Variants in FAM185A observed in about 807,000 individuals in gnomAD.
The protein encoded by FAM185A is family with sequence similarity 185 member A.
FAM185A carries 21 observed loss-of-function variants against 45.7 expected under a neutral mutation model. The ratio of observed to expected loss-of-function variants is 0.46; its 90% CI spans 0.33 to 0.66. The LOEUF (loss-of-function observed/expected upper bound fraction) is 0.66, where lower values mean the gene tolerates loss of function less well. Ranked by LOEUF, FAM185A falls within the 30% of genes least tolerant of loss-of-function variation. The pLI, the probability that FAM185A is intolerant of heterozygous loss-of-function variation, is 0.03. For missense variants in FAM185A, 305 were observed against 485.4 expected (o/e 0.63, Z 3.49); for synonymous variants, 117 against 194.0 (o/e 0.60, Z 3.30).
intron 6 of FAM185A, among the ~76,000 whole-genome samples, chr7:102,783,919 A>G (rs1795592580): frequency 6.6e-6 from 1 of 152,224 alleles, no homozygotes; most frequent in Admixed American, 6.5e-5. Flanking sequence ...AAGATCAACA[A>G]AATTGATAGA....
chr7:102,797,324 G>A (rs1283395451), intron 7 of FAM185A, among the ~76,000 whole-genome samples: 1 of 151,574 alleles, frequency 6.6e-6, no homozygotes, highest in African/African-American at 2.4e-5. Flanking sequence ...TTAGCTGGGT[G>A]TGGTGGCACG....
At chr7:102,784,613 G>C (rs1322603913) in intron 6 of FAM185A, among the ~76,000 whole-genome samples, 4 of 151,938 alleles carry the variant, frequency 2.6e-5, no homozygotes, top group African/African-American at 9.7e-5. Context: ...TGCAGAAAAG[G>C]CCTTGACAAA....
downstream of FAM185A, among the ~76,000 whole-genome samples, chr7:102,812,092 T>C (rs775419377): frequency 1.2e-4 from 18 of 152,250 alleles, no homozygotes; most frequent in Admixed American, 2.0e-4. Context: ...ATTGAGGAAA[T>C]AGAAAGGTTA....
At chr7:102,826,769 A>ATATATATATATATATATGTATG in the FAM185A span, among the ~76,000 whole-genome samples, 1 of 100,742 alleles carries the variant, frequency 9.9e-6, no homozygotes, top group Non-Finnish European at 2.0e-5. Flanking sequence ...ATATATATAT[A>ATATATATATATATATATGTATG]TATGTATATA....
rs1041431203 is a variant in FAM185A at position 102,756,699 on chromosome 7, A to G, written c.562-1155A>G. Among the ~76,000 whole-genome samples the G allele has an allele frequency of 8.0e-4, 116 of 145,090 alleles. 5 individuals are homozygous for G. The highest frequency in any genetic ancestry group is 1.4e-4 in the Non-Finnish European group (9 of 65,874). On this transcript the variant is annotated intron_variant, in intron 2 of 7. Coordinates refer to ENST00000413034, the MANE Select transcript of FAM185A (RefSeq NM_001145268.2). ...CAATAGACCAAACATCTAATGGCTC[A>G]TATATAATATGAGTTTATTTCTTAC... is the stretch of plus-strand genomic sequence containing the variant.
chr7:102,826,002 T>G, the FAM185A span, among the ~76,000 whole-genome samples: 1 of 152,230 alleles, frequency 6.6e-6, no homozygotes, highest in Non-Finnish European at 1.5e-5. Flanking sequence ...CAATAAATGG[T>G]AGCTATAATT....
At chr7:102,814,752 A>G in the FAM185A span, among the ~76,000 whole-genome samples, 2 of 152,214 alleles carry the variant, frequency 1.3e-5, no homozygotes, top group Admixed American at 1.3e-4. Context: ...TCAGAGAAAT[A>G]TTTATTCTCA....
chr7:102,758,785 A>G (rs1793934724), intron 3 of FAM185A, among the ~76,000 whole-genome samples: 1 of 151,986 alleles, frequency 6.6e-6, no homozygotes. Context: ...TAAACAAGAT[A>G]GACTATAACA....
intron 7 of FAM185A, among the ~76,000 whole-genome samples, chr7:102,794,839 G>A (rs1796355745): frequency 6.6e-6 from 1 of 152,210 alleles, no homozygotes; most frequent in African/African-American, 2.4e-5. Flanking sequence ...GGAACAATCT[G>A]TTGATGTAAA....
chr7:102,787,742 C>A (rs1795896346), intron 7 of FAM185A, among the ~76,000 whole-genome samples: 1 of 152,152 alleles, frequency 6.6e-6, no homozygotes, highest in Non-Finnish European at 1.5e-5. Context: ...TTTTCTAATT[C>A]TCGAACTTAA....
chr7:102,830,175 T>C, the FAM185A span, among the ~76,000 whole-genome samples: 1,332 of 152,310 alleles, frequency 8.7e-3, 14 homozygotes, highest in Non-Finnish European at 0.014. Flanking sequence ...ACAGAAGGAA[T>C]TCCCTCAGCC....
At chr7:102,758,427 CTTTTTTTTT>C (rs869220298) in intron 3 of FAM185A, among the ~76,000 whole-genome samples, 79 of 45,876 alleles carry the variant, frequency 1.7e-3, no homozygotes, top group African/African-American at 3.3e-3. Flanking sequence ...GCTCTCACAG[CTTTTTTTTT>C]TTTTTTTTTT....
Position 102,749,544 on chromosome 7 carries a change from C to G in FAM185A, c.337C>G (p.Arg113Gly), listed in dbSNP as rs1378120645. The change falls in exon 1 of 8, where the codon CGG (arginine) becomes GGG (glycine). Residue 113 changes from arginine to glycine, a missense_variant. Around this residue, in one of 5 missense-constraint regions of FAM185A, gnomAD observed 174 missense variants for 247.1 expected, o/e 0.70. Coordinates refer to ENST00000413034, the MANE Select transcript of FAM185A (RefSeq NM_001145268.2). ...VAVCGVEGGV[R>G]GLDGLQVKYD... ...GGTGTGCGGCGTGGAGGGCGGCGTG[C>G]GGGGCCTGGACGGCCTGCAGGTGAA... 6.6e-7 allele frequency: 1 copy of G among 1,519,224 alleles called. No homozygotes were observed. Among genetic ancestry groups the G allele is most frequent in the Non-Finnish European group, 8.8e-7 (1 of 1,133,254 alleles). 94.1% of individuals were successfully genotyped at this position (1,519,224 alleles called of 1,614,324 possible).
At chr7:102,797,530 G>A (rs1379437154) in intron 7 of FAM185A, among the ~76,000 whole-genome samples, 1 of 152,140 alleles carries the variant, frequency 6.6e-6, no homozygotes, top group Non-Finnish European at 1.5e-5. Context: ...TTATGGAATT[G>A]TATGTGGTGT....
At chr7:102,784,376 A>C (rs951587005) in intron 6 of FAM185A, among the ~76,000 whole-genome samples, 2 of 151,982 alleles carry the variant, frequency 1.3e-5, no homozygotes, top group Non-Finnish European at 2.9e-5. Context: ...GCAGAGACAC[A>C]CAAAAAAAGA....
In FAM185A at chr7:102,803,190, C is replaced by A. The variant is rs189748836; in HGVS notation, c.1067-5100C>A. Among the ~76,000 whole-genome samples the A allele has an allele frequency of 2.2e-4, 34 of 152,286 alleles. 1 individual carries two copies. Among genetic ancestry groups the A allele is most frequent in the Admixed American group, 1.7e-3 (26 of 15,292 alleles). On this transcript the variant is annotated intron_variant, in intron 7 of 7. Transcript: ENST00000413034. Reference sequence around the variant, plus strand: ...TCCCTAATTCATCCTATGAAGCTAGCATCACCCTAATACCAAAACCAGGAA... The same window carrying A: ...TCCCTAATTCATCCTATGAAGCTAGAATCACCCTAATACCAAAACCAGGAA...
chr7:102,805,936 C>A (rs1488836962), intron 7 of FAM185A, among the ~76,000 whole-genome samples: 1 of 152,138 alleles, frequency 6.6e-6, no homozygotes, highest in Non-Finnish European at 1.5e-5. Context: ...GGTGTGACCT[C>A]CTCCAGGCCC....
the FAM185A span, among the ~76,000 whole-genome samples, chr7:102,826,769 A>ATATGTG: frequency 9.9e-6 from 1 of 100,744 alleles, no homozygotes; most frequent in African/African-American, 3.8e-5. Flanking sequence ...ATATATATAT[A>ATATGTG]TATGTATATA....
downstream of FAM185A, among the ~76,000 whole-genome samples, chr7:102,811,195 G>T (rs369501449): frequency 2.6e-5 from 4 of 151,962 alleles, no homozygotes; most frequent in African/African-American, 7.3e-5. Flanking sequence ...AAAGTCATAA[G>T]CATAACAGCA....
Sources: gnomAD v4.1 joint callset for allele counts (sites outside exome capture counted in the v4.1 genomes callset) on GRCh38, gnomAD v4.1.1 for gene constraint, gnomAD v4.1.1 regional missense constraint, MANE v1.5 for transcripts, NCBI Gene and HGNC (gene_info 2026-07-23, HGNC 2026-07-21) for gene names.